The following CPNE8 variants were observed in gnomAD, a reference collection of about 807,000 sequenced individuals.
CPNE8 encodes copine 8.
A neutral mutation model predicts 81.5 loss-of-function variants in CPNE8; 45 were observed. That is an observed-to-expected ratio of 0.55 (90% CI 0.44 to 0.71). The LOEUF (loss-of-function observed/expected upper bound fraction) is 0.71. Ranked by LOEUF, CPNE8 falls within the 30% of genes least tolerant of loss-of-function variation. CPNE8 has a pLI of 0.00. For synonymous variants in CPNE8, 252 were observed against 226.3 expected (o/e 1.11, Z -1.02); for missense variants, 594 against 672.1 (o/e 0.88, Z 1.28).
intron 7 of CPNE8, among the ~76,000 whole-genome samples, chr12:38,771,158 T>G (rs1941791376): frequency 6.6e-6 from 1 of 152,056 alleles, no homozygotes; most frequent in Non-Finnish European, 1.5e-5. Context: ...TCAAGCTACT[T>G]TTAAAATACT....
rs1182412329 is a variant in CPNE8 at position 38,775,718 on chromosome 12, T to C, written c.471+520A>G. 3.9e-5 allele frequency among the ~76,000 whole-genome samples: 6 copies of C among 152,184 alleles called. No homozygotes were observed. In the East Asian group the frequency reaches 7.7e-4, roughly 20 times the overall value. Reference sequence around the variant, plus strand: ...AAAAATACAGAGTATGCACTCTCTGTAGTCATACTGCTAGCTGTAGTGGCA... The same window carrying C: ...AAAAATACAGAGTATGCACTCTCTGCAGTCATACTGCTAGCTGTAGTGGCA... On this transcript the variant is annotated intron_variant, in intron 7 of 19. Transcript: ENST00000331366.
At chr12:38,905,712 G>A, upstream of CPNE8, 1 of 1,442,572 alleles carries the variant, frequency 6.9e-7, no homozygotes, top group Non-Finnish European at 9.1e-7. Context: ...AGAGCCACGA[G>A]GGAACCGCTA....
intron 3 of CPNE8, among the ~76,000 whole-genome samples, chr12:38,871,154 C>T (rs1166092514): frequency 6.6e-6 from 1 of 152,126 alleles, no homozygotes; most frequent in Non-Finnish European, 1.5e-5. Flanking sequence ...AACTAACTGG[C>T]CAATACTACT....
intron 13 of CPNE8, among the ~76,000 whole-genome samples, chr12:38,712,419 T>C (rs1206701293): frequency 6.6e-6 from 1 of 151,946 alleles, no homozygotes; most frequent in Non-Finnish European, 1.5e-5. Flanking sequence ...CATTATATTG[T>C]CCAGGCTGGT....
intron 10 of CPNE8, among the ~76,000 whole-genome samples, chr12:38,740,202 C>T (rs887822391): frequency 2.6e-5 from 4 of 152,098 alleles, no homozygotes; most frequent in African/African-American, 9.7e-5. Context: ...CTCTGTTTGT[C>T]TGTTATTGGT....
At chr12:38,726,423 A>G (rs1275500078) in intron 11 of CPNE8, 2 of 152,206 alleles carry the variant, frequency 1.3e-5, no homozygotes, top group African/African-American at 4.8e-5. Context: ...CTACAGGAAA[A>G]CATGCACCAG....
chr12:38,858,543 A>G (rs1222811925), intron 3 of CPNE8, among the ~76,000 whole-genome samples: 1 of 152,226 alleles, frequency 6.6e-6, no homozygotes. Context: ...GCAGAAATTT[A>G]TAGGAAAAGA....
At chr12:38,675,319 T>G (rs550104002) in intron 18 of CPNE8, among the ~76,000 whole-genome samples, 2 of 152,296 alleles carry the variant, frequency 1.3e-5, no homozygotes, top group South Asian at 4.1e-4. Context: ...ACCTAATGAT[T>G]TATTAATTTA....
chr12:38,671,892 T>C (rs1193586485), intron 18 of CPNE8, among the ~76,000 whole-genome samples: 1 of 152,138 alleles, frequency 6.6e-6, no homozygotes, highest in Non-Finnish European at 1.5e-5. Flanking sequence ...TGTCAAGGTG[T>C]ACAATATATA....
chr12:38,690,264 C>G (rs552401533), intron 15 of CPNE8, among the ~76,000 whole-genome samples: 1 of 152,244 alleles, frequency 6.6e-6, no homozygotes, highest in East Asian at 1.9e-4. Flanking sequence ...TTGTCATTTT[C>G]AGTACCTACA....
At chr12:38,867,961 T>A (rs772725751) in intron 3 of CPNE8, among the ~76,000 whole-genome samples, 3 of 152,190 alleles carry the variant, frequency 2.0e-5, no homozygotes, top group East Asian at 1.9e-4. Flanking sequence ...TGACTACAGA[T>A]TAATTTTAAA....
chr12:38,745,904 C>G (rs1465448410), intron 10 of CPNE8, among the ~76,000 whole-genome samples: 2 of 152,238 alleles, frequency 1.3e-5, no homozygotes, highest in East Asian at 3.9e-4. Flanking sequence ...AAATCTGAGT[C>G]AGGCCGACCT....
chr12:38,673,319 G>A (rs912628339), intron 18 of CPNE8, among the ~76,000 whole-genome samples: 1 of 152,052 alleles, frequency 6.6e-6, no homozygotes, highest in African/African-American at 2.4e-5. Context: ...TGTGAAAACA[G>A]ACTAATACAA....
intron 6 of CPNE8, among the ~76,000 whole-genome samples, chr12:38,802,561 G>C (rs1028812582): frequency 6.2e-5 from 7 of 113,072 alleles, no homozygotes; most frequent in Non-Finnish European, 1.1e-4. Context: ...AAGCAGGAAA[G>C]ATCCAAAATT....
intron 14 of CPNE8, among the ~76,000 whole-genome samples, chr12:38,695,533 T>C (rs1203878841): frequency 6.6e-6 from 1 of 152,208 alleles, no homozygotes; most frequent in Non-Finnish European, 1.5e-5. Context: ...AAAGCCTTTC[T>C]TGCCTTTTTA....
At chr12:38,673,993 C>G (rs1233566573) in intron 18 of CPNE8, among the ~76,000 whole-genome samples, 1 of 152,056 alleles carries the variant, frequency 6.6e-6, no homozygotes, top group African/African-American at 2.4e-5. Flanking sequence ...TTCTCAAATT[C>G]TGCATTGCTA....
At chr12:38,723,582 C>A (rs844115) in intron 13 of CPNE8, among the ~76,000 whole-genome samples, 190 bp downstream of exon 13, 88,003 of 151,978 alleles carry the variant, frequency 0.58, 25,902 homozygotes, top group East Asian at 0.81. Context: ...GTTAAAGTTA[C>A]AATTTGCCCC....
rs1944039954 is a variant in CPNE8 at position 38,874,509 on chromosome 12, T to G, written c.101A>C (p.Asn34Thr). ...TRVEVSVSCR[N>T]LLDRDTFSKS... Reference sequence around the variant, plus strand: ...AGAAAATGTGTCTCTGTCAAGAAGATTTCTGTTGAATAAAACAGAAAATGT... The same window carrying G: ...AGAAAATGTGTCTCTGTCAAGAAGAGTTCTGTTGAATAAAACAGAAAATGT... The change falls in exon 2 of 20, where the codon AAT becomes ACT. Residue 34 changes from asparagine to threonine, a missense_variant and splice_region_variant. Coordinates refer to ENST00000331366, the MANE Select transcript of CPNE8 (RefSeq NM_153634.3). 6.2e-7 allele frequency: 1 copy of G among 1,604,672 alleles called. No individual in the cohort carries two copies. The highest frequency in any genetic ancestry group is 8.5e-7 in the Non-Finnish European group (1 of 1,173,534).
At chr12:38,811,344 G>A (rs1397908328) in intron 6 of CPNE8, among the ~76,000 whole-genome samples, 8 of 151,918 alleles carry the variant, frequency 5.3e-5, no homozygotes, top group Admixed American at 3.3e-4. Flanking sequence ...AAAAAAGCTC[G>A]TTGACTAGAT....
Sources: gnomAD v4.1 joint callset for allele counts (sites outside exome capture counted in the v4.1 genomes callset) on GRCh38, gnomAD v4.1.1 for gene constraint, MANE v1.5 for transcripts, NCBI Gene and HGNC (gene_info 2026-07-23, HGNC 2026-07-21) for gene names.